Variants in PDE1C observed in about 807,000 individuals in gnomAD.
The protein encoded by PDE1C is phosphodiesterase 1C, also known as dual specificity calcium/calmodulin-dependent 3',5'-cyclic nucleotide phosphodiesterase 1C.
Under a neutral mutation model 93.1 loss-of-function variants are expected in PDE1C, and 62 were observed. The ratio of observed to expected loss-of-function variants is 0.67; its 90% confidence interval spans 0.54 to 0.82. The LOEUF is 0.82. PDE1C is among the 40% of genes least tolerant of loss of function. PDE1C has a pLI of 0.00. For missense variants in PDE1C, 742 were observed against 884.6 expected (o/e 0.84, Z 2.04); for synonymous variants, 325 against 310.1 (o/e 1.05, Z -0.50).
chr7:32,332,521 A>G (rs1783537054), intron 1 of PDE1C, among the ~76,000 whole-genome samples: 1 of 152,036 alleles, frequency 6.6e-6, no homozygotes, highest in Admixed American at 6.6e-5. Flanking sequence ...TGACCCAGCC[A>G]TTCCACTCCT....
At chr7:31,642,186 G>A in the PDE1C span, 1 of 1,560,388 alleles carries the variant, frequency 6.4e-7, no homozygotes, top group South Asian at 1.2e-5. Context: ...GTGCCAGGGT[G>A]GACAGAGCAA....
At position 31,811,242 on chromosome 7, in the gene PDE1C, T is replaced by C. The variant is rs552982274; in HGVS notation, c.1814-2134A>G. Among the ~76,000 whole-genome samples, 105 of 152,244 alleles carry C rather than the reference T, an allele frequency of 6.9e-4. 2 individuals carry two copies. The highest frequency in any genetic ancestry group is 6.5e-3 in the Admixed American group (100 of 15,274). ...TCTTTCTTGCCACCACCATGTAAGATGTGCCTTTCACCTTCCACCATGATT... is the reference window on the plus strand; with the variant it reads ...TCTTTCTTGCCACCACCATGTAAGACGTGCCTTTCACCTTCCACCATGATT... On this transcript the variant is annotated intron_variant, in intron 15 of 17. Coordinates refer to ENST00000396191, the MANE Select transcript of PDE1C (RefSeq NM_001191057.4).
At chr7:32,242,547 A>G (rs759913129) in intron 1 of PDE1C, among the ~76,000 whole-genome samples, 1 of 152,236 alleles carries the variant, frequency 6.6e-6, no homozygotes, top group Non-Finnish European at 1.5e-5. Context: ...CAAAATCACC[A>G]AAAACTATGA....
intron 2 of PDE1C, among the ~76,000 whole-genome samples, chr7:31,920,851 A>G (rs1368686202): frequency 6.6e-6 from 1 of 152,162 alleles, no homozygotes; most frequent in Non-Finnish European, 1.5e-5. Flanking sequence ...TTTCCTTTAC[A>G]TCCTGTCCAC....
chr7:32,269,768 G>A (rs949129958), intron 1 of PDE1C, among the ~76,000 whole-genome samples: 4 of 151,578 alleles, frequency 2.6e-5, no homozygotes, highest in Admixed American at 6.6e-5. Flanking sequence ...ATGAGCCACC[G>A]TGCCCGGCCT....
intron 16 of PDE1C, among the ~76,000 whole-genome samples, chr7:31,781,115 A>G (rs1407530798): frequency 6.6e-6 from 1 of 152,206 alleles, no homozygotes; most frequent in Admixed American, 6.5e-5. Context: ...CAGTGATAGA[A>G]GTGACAACTA....
intron 17 of PDE1C, among the ~76,000 whole-genome samples, chr7:31,772,820 G>GT (rs895329278): frequency 6.6e-6 from 1 of 152,166 alleles, no homozygotes; most frequent in African/African-American, 2.4e-5. Flanking sequence ...AAAATCAAAG[G>GT]TTTTTAAAAG....
chr7:31,848,720 A>G (rs1288004054), intron 8 of PDE1C, among the ~76,000 whole-genome samples: 1 of 152,200 alleles, frequency 6.6e-6, no homozygotes, highest in Non-Finnish European at 1.5e-5. Flanking sequence ...AAATTTAATG[A>G]AAGCTTAGAT....
At chr7:32,201,050 T>C (rs186752587) in intron 2 of PDE1C, among the ~76,000 whole-genome samples, 6 of 152,242 alleles carry the variant, frequency 3.9e-5, no homozygotes, top group Non-Finnish European at 5.9e-5. Flanking sequence ...ACCACCCCCA[T>C]GCAGCATAGC....
At chr7:32,006,681 T>C (rs1474901770) in intron 2 of PDE1C, among the ~76,000 whole-genome samples, 1 of 152,214 alleles carries the variant, frequency 6.6e-6, no homozygotes. Context: ...AAAACCGTGA[T>C]GAAATTCCAT....
chr7:31,624,443 AACAGAG>A, the PDE1C span, among the ~76,000 whole-genome samples: 279 of 125,510 alleles, frequency 2.2e-3, 2 homozygotes, highest in Admixed American at 4.0e-3. Context: ...AATGGAACAG[AACAGAG>A]CCCTCAGAAA....
intron 2 of PDE1C, among the ~76,000 whole-genome samples, chr7:31,917,349 T>C (rs943771830): frequency 1.3e-5 from 2 of 152,240 alleles, no homozygotes; most frequent in African/African-American, 4.8e-5. Context: ...TTCAAGATTT[T>C]ATGTCCTCTC....
intron 2 of PDE1C, among the ~76,000 whole-genome samples, chr7:31,935,887 C>T (rs1200696716): frequency 6.6e-6 from 1 of 152,090 alleles, no homozygotes; most frequent in African/African-American, 2.4e-5. Flanking sequence ...AGCAGTGCTC[C>T]TGACACTGAG....
chr7:32,036,498 T>C lies in PDE1C; in HGVS notation c.128+15056A>G, dbSNP rs58151742. Among the ~76,000 whole-genome samples, 366 of 152,156 alleles carry C rather than the reference T, an allele frequency of 2.4e-3. 2 individuals carry two copies. Among genetic ancestry groups the C allele is most frequent in the African/African-American group, 8.5e-3 (351 of 41,512 alleles). ...ACAAAAAGCAGAGCACAATAAAACA[T>C]AACACAATCAACAGAAAAAGTTAAC... On this transcript the variant is annotated intron_variant, in intron 2 of 17. Coordinates refer to ENST00000396191, the MANE Select transcript of PDE1C (RefSeq NM_001191057.4).
At chr7:31,976,732 A>C (rs1353610496) in intron 2 of PDE1C, among the ~76,000 whole-genome samples, 1 of 152,166 alleles carries the variant, frequency 6.6e-6, no homozygotes, top group Admixed American at 6.5e-5. Context: ...GAGCCCTTTA[A>C]AACATATATC....
chr7:32,205,586 G>A (rs982716552), intron 2 of PDE1C, among the ~76,000 whole-genome samples: 1 of 140,172 alleles, frequency 7.1e-6, no homozygotes, highest in Non-Finnish European at 1.6e-5. Context: ...CCAAAAAAGA[G>A]AATAAAAGCA....
chr7:31,631,863 T>A, the PDE1C span, among the ~76,000 whole-genome samples: 1 of 152,206 alleles, frequency 6.6e-6, no homozygotes, highest in African/African-American at 2.4e-5. Context: ...TTTCAATAAC[T>A]ACTACTATTT....
chr7:31,939,230 A>G (rs372594797), intron 2 of PDE1C, among the ~76,000 whole-genome samples: 72 of 151,710 alleles, frequency 4.7e-4, no homozygotes, highest in African/African-American at 1.6e-3. Context: ...GAAGAAGAAG[A>G]AGGAGGAGGA....
At chr7:32,179,713 T>C (rs1050121018) in intron 2 of PDE1C, among the ~76,000 whole-genome samples, 1 of 152,180 alleles carries the variant, frequency 6.6e-6, no homozygotes, top group African/African-American at 2.4e-5. Flanking sequence ...CATTTTGTGG[T>C]GTGCCTAAGA....
Sources: allele counts gnomAD v4.1 joint callset (sites outside exome capture counted in the v4.1 genomes callset), GRCh38; gene constraint gnomAD v4.1.1; transcripts MANE v1.5; gene names NCBI Gene and HGNC (gene_info 2026-07-23, HGNC 2026-07-21).